Variants in RBFOX1 observed in about 807,000 individuals in gnomAD.
The protein encoded by RBFOX1 is RNA binding fox-1 homolog 1.
A neutral mutation model predicts 57.7 loss-of-function variants in RBFOX1; 8 were observed. The observed-to-expected ratio is 0.14, with a 90% confidence interval of 0.08 to 0.25. The LOEUF (loss-of-function observed/expected upper bound fraction) is 0.25. RBFOX1 is among the 10% of genes least tolerant of loss of function. The pLI is 1.00. For missense variants in RBFOX1, 611 were observed against 548.5 expected, an observed-to-expected ratio of 1.11 and a Z score of -1.14; for synonymous variants, 326 against 222.4, an observed-to-expected ratio of 1.47 and a Z score of -4.15.
intron 3 of RBFOX1, among the ~76,000 whole-genome samples, chr16:6,863,673 AAAAAAAAAAAG>A (rs1377955536): frequency 1.4e-5 from 2 of 147,078 alleles, no homozygotes; most frequent in African/African-American, 5.1e-5. Context: ...TTTTCCTTAA[AAAAAAAAAAAG>A]AAAAAAAGAA....
At chr16:7,677,132 T>TACACACACACACACAGACACAC (rs2073535115) in intron 14 of RBFOX1, among the ~76,000 whole-genome samples, 4 of 137,862 alleles carry the variant, frequency 2.9e-5, no homozygotes, top group Non-Finnish European at 6.3e-5. Flanking sequence ...CACATACACA[T>TACACACACACACACAGACACAC]ACACACACAC....
At chr16:7,145,475 G>C (rs950225272) in intron 4 of RBFOX1, among the ~76,000 whole-genome samples, 1 of 152,158 alleles carries the variant, frequency 6.6e-6, no homozygotes, top group Non-Finnish European at 1.5e-5. Context: ...CCAAAGTGCT[G>C]AGATGAGAGG....
intron 4 of RBFOX1, among the ~76,000 whole-genome samples, chr16:7,308,156 G>C (rs1473569434): frequency 6.6e-6 from 1 of 152,150 alleles, no homozygotes; most frequent in Non-Finnish European, 1.5e-5. Flanking sequence ...GAAATCTAGA[G>C]ATGGTTTATT....
chr16:6,793,113 G>A (rs7185095), intron 3 of RBFOX1, among the ~76,000 whole-genome samples: 3,210 of 152,004 alleles, frequency 0.021, 105 homozygotes, highest in African/African-American at 0.069. Flanking sequence ...AAAGTTCATG[G>A]TACGCCTGCT....
chr16:6,881,853 G>GA (rs35572776), intron 3 of RBFOX1, among the ~76,000 whole-genome samples: 38,438 of 151,948 alleles, frequency 0.25, 5,112 homozygotes, highest in African/African-American at 0.32. Context: ...AACTGAGGCT[G>GA]AAAAATCTTA....
chr16:5,680,110 A>G (rs1434917151), intron 3 of RBFOX1, among the ~76,000 whole-genome samples: 2 of 152,198 alleles, frequency 1.3e-5, no homozygotes, highest in African/African-American at 4.8e-5. Flanking sequence ...CAGAAGAGGG[A>G]CATCATGAGA....
chr16:5,530,103 G>C (rs71390669), intron 2 of RBFOX1, among the ~76,000 whole-genome samples: 106,174 of 151,834 alleles, frequency 0.7, 37,687 homozygotes, highest in East Asian at 0.88. Context: ...AGCCACTCAG[G>C]CTATGGCACT....
At chr16:6,952,635 C>T (rs1011075325) in intron 3 of RBFOX1, among the ~76,000 whole-genome samples, 2 of 151,930 alleles carry the variant, frequency 1.3e-5, no homozygotes, top group African/African-American at 4.8e-5. Context: ...AAGACTCTGT[C>T]TCCCTCCTCC....
intron 3 of RBFOX1, among the ~76,000 whole-genome samples, chr16:7,032,870 A>G (rs2043172468): frequency 6.6e-6 from 1 of 152,158 alleles, no homozygotes; most frequent in Admixed American, 6.5e-5. Context: ...TAACTTCCAG[A>G]TTCTCAAATT....
At chr16:5,398,291 G>C (rs969522046) in intron 1 of RBFOX1, among the ~76,000 whole-genome samples, 1 of 151,972 alleles carries the variant, frequency 6.6e-6, no homozygotes, top group African/African-American at 2.4e-5. Flanking sequence ...GTGTGCATGT[G>C]TGCTTATGTG....
intron 1 of RBFOX1, among the ~76,000 whole-genome samples, chr16:5,455,405 C>G (rs1285323057): frequency 6.6e-6 from 1 of 152,082 alleles, no homozygotes; most frequent in Non-Finnish European, 1.5e-5. Context: ...CTGGTTGAAG[C>G]AGTCCTGAGC....
intron 2 of RBFOX1, among the ~76,000 whole-genome samples, chr16:6,346,785 G>T (rs1194618772): frequency 3.3e-5 from 5 of 152,132 alleles, no homozygotes. Flanking sequence ...GGCTTGTCTT[G>T]GGATGGTTGA....
intron 3 of RBFOX1, among the ~76,000 whole-genome samples, chr16:5,648,235 C>T (rs945497087): frequency 1.1e-4 from 16 of 152,292 alleles, no homozygotes; most frequent in African/African-American, 3.6e-4. Context: ...CAGGGAAAAC[C>T]TGCTGTGTCA....
chr16:7,620,808 T>C (rs1428016013), intron 10 of RBFOX1, among the ~76,000 whole-genome samples: 7 of 152,188 alleles, frequency 4.6e-5, no homozygotes, highest in Non-Finnish European at 8.8e-5. Flanking sequence ...AAAACTGACT[T>C]ATAGTTCAGT....
chr16:6,384,949 C>T (rs754010174), intron 2 of RBFOX1, among the ~76,000 whole-genome samples: 5 of 152,208 alleles, frequency 3.3e-5, no homozygotes, highest in Non-Finnish European at 7.3e-5. Context: ...GAAACTGCTC[C>T]ATTTCTGTGT....
At chr16:6,680,903 T>C (rs1027853737) in intron 3 of RBFOX1, among the ~76,000 whole-genome samples, 2 of 152,230 alleles carry the variant, frequency 1.3e-5, no homozygotes, top group African/African-American at 4.8e-5. Flanking sequence ...AATCAATATT[T>C]ATACAAAGAT....
chr16:5,920,912 G>T (rs948503774), intron 4 of RBFOX1, among the ~76,000 whole-genome samples: 2 of 95,508 alleles, frequency 2.1e-5, no homozygotes, highest in Non-Finnish European at 4.8e-5. Context: ...CTATTTGTAC[G>T]TGCAGTGGTG....
chr16:5,750,667 A>C (rs896336373), intron 3 of RBFOX1, among the ~76,000 whole-genome samples: 1 of 152,228 alleles, frequency 6.6e-6, no homozygotes, highest in Non-Finnish European at 1.5e-5. Flanking sequence ...CCTCTGAGCC[A>C]GGCATGGGAT....
chr16:6,607,097 C>G (rs1362245830), intron 2 of RBFOX1, among the ~76,000 whole-genome samples: 1 of 152,164 alleles, frequency 6.6e-6, no homozygotes, highest in African/African-American at 2.4e-5. Context: ...CCTTCCAAAC[C>G]TACTGACTAA....
Sources: gnomAD v4.1 joint callset for allele counts (sites outside exome capture counted in the v4.1 genomes callset) on GRCh38, gnomAD v4.1.1 for gene constraint, MANE v1.5 for transcripts, NCBI Gene and HGNC (gene_info 2026-07-23, HGNC 2026-07-21) for gene names.